The following EYS variants were observed in gnomAD, a reference collection of about 807,000 sequenced individuals.
The protein encoded by EYS is EGF-like photoreceptor maintenance factor.
A neutral mutation model predicts 282.1 loss-of-function variants in EYS; 250 were observed. The ratio of observed to expected loss-of-function variants is 0.89; its 90% CI spans 0.80 to 0.98. The LOEUF (loss-of-function observed/expected upper bound fraction) is 0.98. Among genes scored for constraint, EYS ranks in the 50% least tolerant of loss-of-function variants. The probability of loss-of-function intolerance (pLI) is 0.00; values close to 1 mark genes in which losing one functional copy is unlikely to be tolerated. For missense variants in EYS, 4,016 were observed against 3,709.0 expected, an observed-to-expected ratio of 1.08 and a Z score of -2.15; for synonymous variants, 1,355 against 1,282.9, an observed-to-expected ratio of 1.06 and a Z score of -1.20.
At chr6:63,958,386 G>T (rs566134098) in intron 35 of EYS, among the ~76,000 whole-genome samples, 2 of 148,948 alleles carry the variant, frequency 1.3e-5, no homozygotes, top group Non-Finnish European at 3.0e-5. Context: ...TAGTGGAGGA[G>T]GAAGGAGGCC....
chr6:63,930,296 A>T (rs1581990069), intron 35 of EYS, among the ~76,000 whole-genome samples: 1 of 146,604 alleles, frequency 6.8e-6, no homozygotes. Flanking sequence ...CCCACCCAAA[A>T]ACCAAACAAA....
chr6:64,530,460 T>C (rs977655691), intron 26 of EYS, among the ~76,000 whole-genome samples: 1 of 152,052 alleles, frequency 6.6e-6, no homozygotes, highest in African/African-American at 2.4e-5. Flanking sequence ...TGTTTGGTGA[T>C]AAATATTTTC....
At chr6:64,025,672 C>G (rs933363802) in intron 33 of EYS, among the ~76,000 whole-genome samples, 4 of 152,168 alleles carry the variant, frequency 2.6e-5, no homozygotes, top group Non-Finnish European at 5.9e-5. Context: ...AATTTAGGAT[C>G]CCTCCTCAGA....
intron 28 of EYS, among the ~76,000 whole-genome samples, chr6:64,411,197 C>T (rs1210777389): frequency 6.6e-6 from 1 of 151,862 alleles, no homozygotes; most frequent in African/African-American, 2.4e-5. Context: ...ATTAACCTGA[C>T]CATTCACAAA....
At chr6:65,450,442 G>A (rs148534083) in intron 5 of EYS, among the ~76,000 whole-genome samples, 21 of 152,272 alleles carry the variant, frequency 1.4e-4, no homozygotes, top group African/African-American at 5.1e-4. Flanking sequence ...TTGAGACAGA[G>A]TTTAATGTAT....
chr6:64,977,780 T>A (rs1770519258), intron 14 of EYS, among the ~76,000 whole-genome samples: 1 of 151,832 alleles, frequency 6.6e-6, no homozygotes. Context: ...AAAGTTTTAG[T>A]AATCTGGATA....
At chr6:65,540,804 T>G (rs1768140400) in intron 2 of EYS, among the ~76,000 whole-genome samples, 1 of 152,038 alleles carries the variant, frequency 6.6e-6, no homozygotes, top group Non-Finnish European at 1.5e-5. Flanking sequence ...GCACCTGTGA[T>G]CTCAGCTACC....
chr6:63,959,717 A>G (rs907004967), intron 35 of EYS, among the ~76,000 whole-genome samples: 6 of 152,216 alleles, frequency 3.9e-5, no homozygotes, highest in Admixed American at 2.6e-4. Flanking sequence ...TTGCAGGGAC[A>G]TGGATGAAGC....
chr6:65,619,527 T>G (rs354375), intron 2 of EYS, among the ~76,000 whole-genome samples: 10,375 of 152,206 alleles, frequency 0.068, 567 homozygotes, highest in East Asian at 0.18. Flanking sequence ...CCTCTTTTCC[T>G]AATTGAATAC....
At chr6:63,759,387 C>T (rs1267223356) in intron 41 of EYS, among the ~76,000 whole-genome samples, 1 of 152,044 alleles carries the variant, frequency 6.6e-6, no homozygotes, top group Admixed American at 6.6e-5. Flanking sequence ...GCTTAGCTGC[C>T]ACATCTATTC....
chr6:65,088,128 C>A (rs1208268941), intron 12 of EYS, among the ~76,000 whole-genome samples: 1 of 152,200 alleles, frequency 6.6e-6, no homozygotes, highest in Non-Finnish European at 1.5e-5. Flanking sequence ...AATTAAACTT[C>A]TTTCCTTTGT....
At chr6:65,681,588 A>T (rs1196646308) in intron 1 of EYS, among the ~76,000 whole-genome samples, 1 of 151,954 alleles carries the variant, frequency 6.6e-6, no homozygotes, top group Non-Finnish European at 1.5e-5. Context: ...CCCCTTAGAC[A>T]TGAACAATGT....
chr6:64,636,398 T>A lies in EYS; in HGVS notation c.3444-10153A>T, dbSNP rs963797848. On this transcript the variant is annotated intron_variant, in intron 22 of 42. Transcript: ENST00000503581. Reference sequence around the variant, plus strand: ...AACTGGCTAGCCATATGTAGAAAGCTGAAACTGGATCCCGTCCTTACATCT... The same window carrying A: ...AACTGGCTAGCCATATGTAGAAAGCAGAAACTGGATCCCGTCCTTACATCT... Among the ~76,000 whole-genome samples the A allele has an allele frequency of 2.0e-5, 3 of 152,326 alleles. No homozygotes were observed. The South Asian group carries it at 6.2e-4, about 32-fold the overall frequency.
intron 12 of EYS, among the ~76,000 whole-genome samples, chr6:65,157,869 C>T (rs1764764280): frequency 6.6e-6 from 1 of 150,418 alleles, no homozygotes; most frequent in Admixed American, 6.6e-5. Context: ...ATTTATATGT[C>T]ATTAAGGTAC....
intron 32 of EYS, among the ~76,000 whole-genome samples, chr6:64,068,155 G>A (rs1293166913): frequency 6.6e-6 from 1 of 151,992 alleles, no homozygotes; most frequent in Admixed American, 6.6e-5. Context: ...CATTTGGTAT[G>A]GTCACTTTGT....
At chr6:65,352,891 G>T (rs575446182) in intron 9 of EYS, among the ~76,000 whole-genome samples, 1 of 151,996 alleles carries the variant, frequency 6.6e-6, no homozygotes, top group African/African-American at 2.4e-5. Flanking sequence ...GGCCTTCAAA[G>T]AAGCCATTTC....
At chr6:65,693,691 G>T (rs1206503921) in intron 1 of EYS, among the ~76,000 whole-genome samples, 1 of 150,032 alleles carries the variant, frequency 6.7e-6, no homozygotes, top group African/African-American at 2.4e-5. Flanking sequence ...GATAATAGGA[G>T]GAGTAAGAAC....
intron 28 of EYS, among the ~76,000 whole-genome samples, chr6:64,434,941 T>A (rs1358720207): frequency 6.6e-6 from 1 of 152,006 alleles, no homozygotes; most frequent in Non-Finnish European, 1.5e-5. Flanking sequence ...CAGGAGCCCA[T>A]CTATGTCCTT....
At chr6:65,161,972 T>A (rs1185950983) in intron 12 of EYS, among the ~76,000 whole-genome samples, 2 of 151,250 alleles carry the variant, frequency 1.3e-5, no homozygotes, top group African/African-American at 4.8e-5. Flanking sequence ...TATGTGAAAA[T>A]TTGGTTAAAT....
Sources: gnomAD v4.1 joint callset for allele counts (sites outside exome capture counted in the v4.1 genomes callset) on GRCh38, gnomAD v4.1.1 for gene constraint, MANE v1.5 for transcripts, NCBI Gene and HGNC (gene_info 2026-07-23, HGNC 2026-07-21) for gene names.